The following STS variants were observed in gnomAD, a reference collection of about 807,000 sequenced individuals.
STS encodes steroid sulfatase, also known as steryl-sulfatase.
A neutral mutation model predicts 26.8 loss-of-function variants in STS; 7 were observed. The observed-to-expected ratio is 0.26, with a 90% CI of 0.15 to 0.49. The LOEUF (loss-of-function observed/expected upper bound fraction) is 0.49, where lower values mean the gene tolerates loss of function less well. Ranked by LOEUF, STS falls within the 20% of genes least tolerant of loss-of-function variation. The pLI is 0.98. For synonymous variants in STS, 199 were observed against 189.4 expected (o/e 1.05, Z -0.42); for missense variants, 434 against 465.6 (o/e 0.93, Z 0.63).
chrX:7,257,130 A>G, intron 3 of STS, 112 bp from the exon 4 acceptor site: 2 of 1,051,737 alleles, frequency 1.9e-6, no homozygotes, highest in Non-Finnish European at 2.6e-6. Context: ...GTGTGAGCCG[A>G]GATTGCGCCA....
chrX:7,318,006 A>T (rs902878886), intron 8 of STS, among the ~76,000 whole-genome samples: 1 of 111,704 alleles, frequency 9.0e-6, no homozygotes, highest in Non-Finnish European at 1.9e-5. Context: ...CAGGTTCTAG[A>T]ACTATACCTA....
intron 1 of STS, among the ~76,000 whole-genome samples, chrX:7,158,428 G>A (rs151148513): frequency 3.6e-5 from 4 of 112,342 alleles, no homozygotes; most frequent in East Asian, 2.8e-4. Context: ...AACATCGCCC[G>A]CATCTCAGGA....
At chrX:7,228,095 GT>G (rs1389706015) in intron 2 of STS, among the ~76,000 whole-genome samples, 1 of 110,041 alleles carries the variant, frequency 9.1e-6, no homozygotes, top group African/African-American at 3.3e-5. Flanking sequence ...TATAGACCAT[GT>G]TTTTTTTTGT....
intron 9 of STS, among the ~76,000 whole-genome samples, chrX:7,332,781 TC>T (rs2147175961): frequency 1.8e-5 from 2 of 111,998 alleles, no homozygotes; most frequent in East Asian, 5.6e-4. Context: ...ACGCTGTGTC[TC>T]AATAGAACTC....
chrX:7,269,977 GA>G (rs765908214), intron 6 of STS, among the ~76,000 whole-genome samples: 1 of 111,193 alleles, frequency 9.0e-6, no homozygotes, highest in Non-Finnish European at 1.9e-5. Flanking sequence ...ATGGCAGACA[GA>G]AAAAAAATGC....
At chrX:7,347,928 A>G (rs1306989508) in intron 10 of STS, among the ~76,000 whole-genome samples, 11 of 111,586 alleles carry the variant, frequency 9.9e-5, no homozygotes, top group African/African-American at 3.6e-4. Context: ...TCTTAAGGTT[A>G]CTTGCTGCCT....
chrX:7,214,460 A>C (rs1046033331), intron 2 of STS, among the ~76,000 whole-genome samples: 26 of 112,061 alleles, frequency 2.3e-4, no homozygotes, highest in Admixed American at 1.1e-3. Flanking sequence ...TCAGTACACT[A>C]CTCCTGTTTT....
intron 2 of STS, among the ~76,000 whole-genome samples, chrX:7,240,459 G>A (rs889326188): frequency 3.8e-4 from 27 of 71,389 alleles, no homozygotes; most frequent in Admixed American, 7.9e-4. Context: ...TCCAAGGAGC[G>A]CGCGCGCACA....
chrX:7,188,045 C>A (rs758262413), intron 1 of STS, among the ~76,000 whole-genome samples: 2 of 112,036 alleles, frequency 1.8e-5, no homozygotes, highest in Non-Finnish European at 3.8e-5. Context: ...ACAGGCTTAA[C>A]CAATCTTCTT....
chrX:7,175,028 C>A (rs1433891209), intron 1 of STS, among the ~76,000 whole-genome samples: 1 of 110,866 alleles, frequency 9.0e-6, no homozygotes, highest in East Asian at 2.8e-4. Flanking sequence ...CAAACCCAGT[C>A]AATACCTTTG....
intron 8 of STS, among the ~76,000 whole-genome samples, chrX:7,320,013 T>TTATATATATTTATATATATATTTATATA (rs1926918314): frequency 1.1e-5 from 1 of 90,553 alleles, no homozygotes; most frequent in Non-Finnish European, 2.1e-5. Flanking sequence ...TATATATATA[T>TTATATATATTTATATATATATTTATATA]TTATATATAT....
At chrX:7,246,796 A>C (rs777070390) in intron 2 of STS, among the ~76,000 whole-genome samples, 2 of 112,623 alleles carry the variant, frequency 1.8e-5, no homozygotes, top group Non-Finnish European at 3.7e-5. Flanking sequence ...AAGCCATTAC[A>C]TATCTTTAGC....
Position 7,325,454 on chromosome X carries a change from T to G in STS, c.1197T>G (p.Phe399Leu), listed in dbSNP as rs1284800339. ...AGCCCACTAGCAACATGGACATATT[T>G]CCTACAGTAGCCAAGCTGGCTGGAG... ...IDEPTSNMDI[F>L]PTVAKLAGAP... is the part of the protein sequence containing the mutation. The change falls in exon 9 of 11, where the codon TTT becomes TTG. Residue 399 changes from phenylalanine (F) to leucine (L), a missense_variant. Phe to Leu is a conservative substitution (Grantham distance 22, BLOSUM62 0). Around this residue, in one of 2 missense-constraint regions of STS, gnomAD observed 205 missense variants for 177.3 expected, o/e 1.16. Transcript: ENST00000674429. 8.3e-7 allele frequency: 1 copy of G among 1,211,360 alleles called. No homozygotes were observed. Among genetic ancestry groups the G allele is most frequent in the African/African-American group, 1.7e-5 (1 of 57,741 alleles).
chrX:7,277,219 T>A (rs1924584117), intron 7 of STS, among the ~76,000 whole-genome samples: 1 of 112,356 alleles, frequency 8.9e-6, no homozygotes, highest in African/African-American at 3.2e-5. Context: ...ATTTTGTCCA[T>A]ATTCCAGTAC....
intron 7 of STS, among the ~76,000 whole-genome samples, chrX:7,285,704 TAACTG>T (rs1238114622): frequency 8.9e-6 from 1 of 112,288 alleles, no homozygotes; most frequent in Non-Finnish European, 1.9e-5. Context: ...TTTGCTAAAA[TAACTG>T]AAAGAGATCA....
At chrX:7,302,781 G>T (rs1357420146) in intron 7 of STS, among the ~76,000 whole-genome samples, 1 of 111,423 alleles carries the variant, frequency 9.0e-6, no homozygotes, top group Non-Finnish European at 1.9e-5. Context: ...GGAGCGAAGG[G>T]TCTGGCACTG....
intron 1 of STS, among the ~76,000 whole-genome samples, chrX:7,181,328 G>T (rs1933677145): frequency 1.8e-5 from 2 of 112,386 alleles, no homozygotes; most frequent in Admixed American, 1.9e-4. Context: ...ATACCAGTCT[G>T]CTAACTTTCA....
At chrX:7,255,903 G>T (rs1923385992) in intron 3 of STS, among the ~76,000 whole-genome samples, 1 of 112,404 alleles carries the variant, frequency 8.9e-6, no homozygotes, top group Non-Finnish European at 1.9e-5. Context: ...TGAGGGCACT[G>T]ATCTAGGGAA....
intron 1 of STS, among the ~76,000 whole-genome samples, chrX:7,182,779 A>C (rs1933706154): frequency 9.0e-6 from 1 of 111,274 alleles, no homozygotes; most frequent in Admixed American, 9.6e-5. Context: ...ATCAGTTCTT[A>C]CAGATGGGAC....
Sources: gnomAD v4.1 joint callset for allele counts (sites outside exome capture counted in the v4.1 genomes callset) on GRCh38, gnomAD v4.1.1 for gene constraint, gnomAD v4.1.1 regional missense constraint, MANE v1.5 for transcripts, NCBI Gene and HGNC (gene_info 2026-07-23, HGNC 2026-07-21) for gene names.